The following IRAK3 variants were observed in gnomAD, a reference collection of about 807,000 sequenced individuals.
IRAK3 encodes the protein interleukin 1 receptor associated kinase 3.
A neutral mutation model predicts 56.6 loss-of-function variants in IRAK3; 57 were observed. That is an observed-to-expected ratio of 1.01 (90% CI 0.81 to 1.26). The LOEUF (loss-of-function observed/expected upper bound fraction) is 1.26, where lower values mean the gene tolerates loss of function less well. IRAK3 is among the 50% of genes most tolerant of loss of function. The pLI, the probability that IRAK3 is intolerant of heterozygous loss-of-function variation, is 0.00. For synonymous variants in IRAK3, 258 were observed against 255.7 expected (o/e 1.01, Z -0.09); for missense variants, 703 against 719.0 (o/e 0.98, Z 0.25).
intron 1 of IRAK3, among the ~76,000 whole-genome samples, chr12:66,201,158 T>C (rs564615778): frequency 6.6e-6 from 1 of 152,294 alleles, no homozygotes; most frequent in African/African-American, 2.4e-5. Flanking sequence ...ACAAGACTTA[T>C]CATTTTTCTG....
At chr12:66,238,314 G>A (rs1429367603) in intron 8 of IRAK3, among the ~76,000 whole-genome samples, 2 of 152,198 alleles carry the variant, frequency 1.3e-5, no homozygotes, top group African/African-American at 2.4e-5. Context: ...TGGCATCAAC[G>A]CCTGCTGAAT....
chr12:66,249,891 C>CCGTTTTCT lies in IRAK3; in HGVS notation c.*1724_*1731dup, dbSNP rs2053079309. The CCGTTTTCT allele has an allele frequency of 6.6e-6, 1 of 152,134 alleles. No individual in the cohort carries two copies. The highest frequency in any genetic ancestry group is 2.4e-5 in the African/African-American group (1 of 41,422). 9.4% of individuals were successfully genotyped at this position (152,134 alleles called of 1,614,324 possible). ...CTTAATTTAATTACACCTGCAAAGT[C>CCGTTTTCT]CGTTTTCTCGTGTAAAGTAACATAT... On this transcript the variant is annotated 3_prime_UTR_variant, in exon 12 of 12. Coordinates refer to ENST00000261233, the MANE Select transcript of IRAK3 (RefSeq NM_007199.3).
chr12:66,197,319 C>T, intron 1 of IRAK3: 3 of 1,044,932 alleles, frequency 2.9e-6, no homozygotes, highest in Non-Finnish European at 3.5e-6. Context: ...AAACAAAGTC[C>T]TATATTCTGA....
At chr12:66,233,093 T>C (rs2052861188) in intron 8 of IRAK3, among the ~76,000 whole-genome samples, 1 of 152,108 alleles carries the variant, frequency 6.6e-6, no homozygotes, top group Admixed American at 6.6e-5. Flanking sequence ...CAAGGCATAA[T>C]AGACCAGCTC....
chr12:66,229,495 G>A (rs1322766988), intron 8 of IRAK3, among the ~76,000 whole-genome samples: 1 of 152,188 alleles, frequency 6.6e-6, no homozygotes, highest in Admixed American at 6.5e-5. Flanking sequence ...CAGAAAAGGA[G>A]CTGATTGCTT....
chr12:66,209,642 T>A, intron 3 of IRAK3, 122 bp downstream of exon 3: 1 of 726,798 alleles, frequency 1.4e-6, no homozygotes, highest in Non-Finnish European at 2.5e-6. Flanking sequence ...AAATCAGAAA[T>A]GCCTTTGTTC....
intron 1 of IRAK3, 31 bp downstream of exon 1, chr12:66,189,463 G>A: frequency 5.1e-6 from 6 of 1,172,266 alleles, no homozygotes; most frequent in Non-Finnish European, 6.3e-6. Context: ...CGGGGGCGGC[G>A]GGGGAGCCCA....
At chr12:66,224,338 A>G (rs879706979) in intron 6 of IRAK3, among the ~76,000 whole-genome samples, 5 of 152,200 alleles carry the variant, frequency 3.3e-5, no homozygotes, top group Non-Finnish European at 5.9e-5. Flanking sequence ...AGAATGTACT[A>G]TCAGAAATGG....
At position 66,211,491 on chromosome 12, in the gene IRAK3, G is replaced by T; in HGVS notation, c.482G>T (p.Gly161Val). The stretch of plus-strand genomic sequence containing the variant: ...ATCAGCTTTCAAAATATCATAGAAG[G>T]AACTAGAAATTTCCACAAAGACTTC... The part of the protein sequence containing the change: ...SSISFQNIIE[G>V]TRNFHKDFLI... Residue 161 changes from glycine (G) to valine (V), a missense_variant, in exon 5 of 12, where the codon GGA becomes GTA. Coordinates refer to ENST00000261233, the MANE Select transcript of IRAK3 (RefSeq NM_007199.3). 1 of 1,603,822 alleles carries T rather than the reference G, an allele frequency of 6.2e-7. No homozygotes were observed. The highest frequency in any genetic ancestry group is 1.1e-5 in the South Asian group (1 of 90,858).
chr12:66,189,582 G>T (rs1381040257), intron 1 of IRAK3, 150 bp downstream of exon 1: 5 of 382,488 alleles, frequency 1.3e-5, no homozygotes, highest in Non-Finnish European at 1.9e-5. Context: ...TCCTTTCCTG[G>T]GTTGGATGCA....
chr12:66,222,403 GATT>G, intron 6 of IRAK3, among the ~76,000 whole-genome samples: 1 of 152,046 alleles, frequency 6.6e-6, no homozygotes, highest in Non-Finnish European at 1.5e-5. Flanking sequence ...AGTCTTGGTG[GATT>G]GTATGTTTCT....
At chr12:66,236,947 C>T (rs993917695) in intron 8 of IRAK3, among the ~76,000 whole-genome samples, 1 of 151,958 alleles carries the variant, frequency 6.6e-6, no homozygotes. Flanking sequence ...CTGAAACACC[C>T]TCTCCCTAGT....
rs1464649855 is a variant in IRAK3, at chr12:66,201,349, CA to C, written c.134-2361del. 2.6e-5 allele frequency among the ~76,000 whole-genome samples: 4 copies of C among 152,202 alleles called. No homozygotes were observed. In the East Asian group the frequency reaches 7.7e-4, roughly 29 times the overall value. On this transcript the variant is annotated intron_variant, in intron 1 of 11. Transcript: ENST00000261233. The stretch of plus-strand genomic sequence containing the variant: ...CCTAAAGCCAGTTATGGTGGTGTGT[CA>C]GGGGTCCCCCGTGACCACCTTCAGA...
chr12:66,214,536 A>G (rs535184785), intron 5 of IRAK3, among the ~76,000 whole-genome samples: 1 of 150,942 alleles, frequency 6.6e-6, no homozygotes, highest in South Asian at 2.1e-4. Flanking sequence ...GTAAGACCCT[A>G]TCAAAAACAA....
chr12:66,236,514 G>A (rs1045781732), intron 8 of IRAK3, among the ~76,000 whole-genome samples: 3 of 151,720 alleles, frequency 2.0e-5, no homozygotes, highest in African/African-American at 7.3e-5. Context: ...GTTGTAGTGA[G>A]CTGAAATTGC....
chr12:66,232,623 T>C (rs2052855308), intron 8 of IRAK3, among the ~76,000 whole-genome samples: 1 of 152,192 alleles, frequency 6.6e-6, no homozygotes, highest in African/African-American at 2.4e-5. Flanking sequence ...CTCTTTTAAA[T>C]GAATCCTCCA....
At chr12:66,213,081 A>G (rs1406634368) in intron 5 of IRAK3, among the ~76,000 whole-genome samples, 11 of 152,200 alleles carry the variant, frequency 7.2e-5, no homozygotes, top group Non-Finnish European at 1.2e-4. Context: ...AAAAAGAAAA[A>G]GAGGTTTAAT....
chr12:66,197,071 C>T, intron 1 of IRAK3: 1 of 1,380,160 alleles, frequency 7.2e-7, no homozygotes, highest in Non-Finnish European at 9.4e-7. Context: ...CTCAAAACAG[C>T]CTTCAAGGAC....
Position 66,245,022 on chromosome 12 carries a change from T to G in IRAK3, c.1149+12T>G. ...AACATATCCAGCTGGTAAGAATTGT[T>G]TTCATCCTGGCACCTATCTCTTGGT... is the stretch of plus-strand genomic sequence containing the variant. On this transcript the variant is annotated intron_variant, in intron 10 of 11. Transcript: ENST00000261233. 2.5e-6 allele frequency: 4 copies of G among 1,613,952 alleles called. No individual in the cohort carries two copies. Among genetic ancestry groups the G allele is most frequent in the Non-Finnish European group, 3.4e-6 (4 of 1,179,822 alleles).
Sources: gnomAD v4.1 joint callset for allele counts (sites outside exome capture counted in the v4.1 genomes callset) on GRCh38, gnomAD v4.1.1 for gene constraint, MANE v1.5 for transcripts, NCBI Gene and HGNC (gene_info 2026-07-23, HGNC 2026-07-21) for gene names.